WNK3: variants seen among roughly 807,000 people sequenced by gnomAD.
WNK3 encodes the protein serine/threonine-protein kinase WNK3.
In WNK3, 18 loss-of-function variants were observed where a neutral mutation model predicts 116.7. That is an observed-to-expected ratio of 0.15 (90% CI 0.11 to 0.23). WNK3 has a LOEUF of 0.23. Among genes scored for constraint, WNK3 ranks in the 10% least tolerant of loss-of-function variants. WNK3 has a pLI of 1.00. For missense variants in WNK3, 993 were observed against 1,323.8 expected, an observed-to-expected ratio of 0.75 and a Z score of 3.88; for synonymous variants, 404 against 469.4, an observed-to-expected ratio of 0.86 and a Z score of 1.80.
chrX:54,203,651 A>C, intron 22 of WNK3, among the ~76,000 whole-genome samples: 1 of 111,357 alleles, frequency 9.0e-6, no homozygotes. Flanking sequence ...GCTAGAATCC[A>C]GATATCCTGA....
intron 22 of WNK3, among the ~76,000 whole-genome samples, chrX:54,220,227 A>G (rs1452440699): frequency 8.9e-6 from 1 of 111,739 alleles, no homozygotes; most frequent in East Asian, 2.8e-4. Flanking sequence ...TGATGACTGG[A>G]ATACAAAGAA....
At chrX:54,252,979 C>CT (rs1482459823) in intron 13 of WNK3, among the ~76,000 whole-genome samples, 1 of 109,396 alleles carries the variant, frequency 9.1e-6, no homozygotes, top group Non-Finnish European at 1.9e-5. Flanking sequence ...GGAAGAAATA[C>CT]TAACTTAAAC....
intron 1 of WNK3, among the ~76,000 whole-genome samples, chrX:54,356,889 TATAA>T (rs1338869547): frequency 9.3e-6 from 1 of 107,435 alleles, no homozygotes; most frequent in Non-Finnish European, 1.9e-5. Flanking sequence ...CACCCCATTA[TATAA>T]ATGTTTCACC....
intron 1 of WNK3, among the ~76,000 whole-genome samples, chrX:54,350,071 C>A (rs2069492577): frequency 9.0e-6 from 1 of 110,934 alleles, no homozygotes; most frequent in Non-Finnish European, 1.9e-5. Flanking sequence ...TAAGCTAAAG[C>A]CCTACCAAAA....
chrX:54,258,906 A>G (rs2068226726), intron 11 of WNK3, among the ~76,000 whole-genome samples: 1 of 110,259 alleles, frequency 9.1e-6, no homozygotes, highest in Non-Finnish European at 1.9e-5. Flanking sequence ...TATACAGAAA[A>G]ATACTAGTTT....
intron 18 of WNK3, 72 bp downstream of exon 18, chrX:54,238,796 T>C: frequency 5.7e-6 from 5 of 874,269 alleles, no homozygotes; most frequent in South Asian, 3.1e-5. Context: ...GATTTGTATA[T>C]GAACAACAAA....
chrX:54,197,976 G>A (rs1245068286), exon 24 of WNK3: 1 of 143,416 alleles, frequency 7.0e-6, no homozygotes, highest in Non-Finnish European at 1.3e-5. Context: ...AAAAAGGCGG[G>A]GGATGGGGAG....
rs559584721 is a variant in WNK3 at position 54,331,399 on chromosome X, T to C, written c.537+1738A>G. On this transcript the variant is annotated intron_variant, in intron 2 of 23. Coordinates refer to ENST00000354646, the Ensembl canonical transcript of WNK3. ...GTGTGTGCATATATATATATATATA[T>C]ACACACATACATATACCAGAAAGAT... Among the ~76,000 whole-genome samples, 395 of 109,610 alleles carry C rather than the reference T, an allele frequency of 3.6e-3. 2 individuals carry two copies. The highest frequency in any genetic ancestry group is 0.025 in the East Asian group (89 of 3,532).
intron 10 of WNK3, among the ~76,000 whole-genome samples, chrX:54,271,724 A>G (rs1487367368): frequency 2.7e-5 from 3 of 112,152 alleles, no homozygotes. Context: ...TATCATGGTA[A>G]TCCGCAAATA....
intron 2 of WNK3, 118 bp from the exon 3 acceptor site, chrX:54,311,409 T>A (rs1482498464): frequency 1.3e-5 from 7 of 556,985 alleles, no homozygotes; most frequent in Non-Finnish European, 2.0e-5. Context: ...TTATTTATTT[T>A]TGCCTGTCAA....
Position 54,346,120 on chromosome X carries a change from A to ATG in WNK3, c.-120+11564_-120+11565dup, listed in dbSNP as rs1394072406. On this transcript the variant is annotated intron_variant, in intron 1 of 23. Transcript: ENST00000354646. ...GATATATATATATACACACACACATATGTGTGTGTATATATATATATATGT... is the reference window on the plus strand; with the variant it reads ...GATATATATATATACACACACACATATGTGTGTGTGTATATATATATATATGT... 4.8e-3 allele frequency among the ~76,000 whole-genome samples: 22 copies of ATG among 4,563 alleles called. 1 individual carries two copies. The highest frequency in any genetic ancestry group is 0.038 in the Admixed American group (9 of 239). 4.0% of individuals were successfully genotyped at this position (4,563 alleles called of 115,157 possible). A position where few individuals can be genotyped will look rare whatever the true frequency, so the allele number is the denominator to read the frequency against.
intron 17 of WNK3, among the ~76,000 whole-genome samples, chrX:54,247,366 A>T (rs2146920653): frequency 9.0e-6 from 1 of 110,927 alleles, no homozygotes; most frequent in Non-Finnish European, 1.9e-5. Flanking sequence ...TATATGTATC[A>T]GTGGAATATT....
Position 54,299,449 on chromosome X carries a change from G to GTT in WNK3, c.1179-1057_1179-1056dup, listed in dbSNP as rs11383477. ...ACTAAAATGAGATGTGTGTTTTGGT[G>GTT]TTTTTTTTTTTTTTTTTTGGGACGG... On this transcript the variant is annotated intron_variant, in intron 6 of 23. Transcript: ENST00000354646. Among the ~76,000 whole-genome samples, 382 of 83,610 alleles carry GTT rather than the reference G, an allele frequency of 4.6e-3. 5 individuals are homozygous for GTT. Among genetic ancestry groups the GTT allele is most frequent in the African/African-American group, 0.015 (320 of 21,483 alleles). The allele number at this position is 83,610 out of a possible 115,157, so 72.6% of individuals were successfully genotyped here.
intron 10 of WNK3, among the ~76,000 whole-genome samples, chrX:54,270,019 T>C (rs1557158863): frequency 8.0e-5 from 9 of 111,924 alleles, no homozygotes. Context: ...TTTTGAGAGG[T>C]AGGATCATAG....
chrX:54,213,561 A>C lies in WNK3; in HGVS notation c.4871-11368T>G, dbSNP rs782347762. On this transcript the variant is annotated intron_variant, in intron 22 of 23. Transcript: ENST00000354646. ...AGAGTGAGACTCCGTCTCAAAAAAA[A>C]AAACAAACAAAAAAAAAAAAACTAG... Among the ~76,000 whole-genome samples the C allele has an allele frequency of 2.1e-3, 202 of 98,164 alleles. 2 individuals carry two copies. Among genetic ancestry groups the C allele is most frequent in the South Asian group, 0.01 (24 of 2,399 alleles). 85.2% of individuals were successfully genotyped at this position (98,164 alleles called of 115,157 possible).
chrX:54,213,010 C>T lies in WNK3; in HGVS notation c.4871-10817G>A, dbSNP rs782022719. Among the ~76,000 whole-genome samples the T allele has an allele frequency of 1.0e-4, 11 of 110,496 alleles. No individual in the cohort carries two copies. The East Asian group carries it at 2.8e-3, about 29-fold the overall frequency. On this transcript the variant is annotated intron_variant, in intron 22 of 23. Coordinates refer to ENST00000354646, the Ensembl canonical transcript of WNK3. ...TTTTTTGTGAAAAAGGGTCTCACTC[C>T]GTCACCCAGGATGGAGTGCAGTGGT... is the stretch of plus-strand genomic sequence containing the variant.
At chrX:54,329,595 C>T (rs1317152639) in intron 2 of WNK3, among the ~76,000 whole-genome samples, 1 of 108,438 alleles carries the variant, frequency 9.2e-6, no homozygotes, top group African/African-American at 3.4e-5. Context: ...TGCAGTGAGC[C>T]GAGATTGCAC....
At chrX:54,269,681 G>A (rs2068357321) in intron 10 of WNK3, among the ~76,000 whole-genome samples, 1 of 111,076 alleles carries the variant, frequency 9.0e-6, no homozygotes, top group Non-Finnish European at 1.9e-5. Flanking sequence ...TACATGGATA[G>A]GAGAATGGAT....
intron 10 of WNK3, among the ~76,000 whole-genome samples, chrX:54,279,435 A>G (rs1174696358): frequency 9.0e-6 from 1 of 111,075 alleles, no homozygotes; most frequent in East Asian, 2.8e-4. Context: ...GTGGTGGTGC[A>G]TGCCTATGGT....
Sources: gnomAD v4.1 joint callset for allele counts (sites outside exome capture counted in the v4.1 genomes callset) on GRCh38, gnomAD v4.1.1 for gene constraint, MANE v1.5 for transcripts, NCBI Gene and HGNC (gene_info 2026-07-23, HGNC 2026-07-21) for gene names.